S100Z: variants seen among roughly 807,000 people sequenced by gnomAD.
The protein encoded by S100Z is S100 calcium binding protein Z, also known as protein S100-Z.
In S100Z, 11 loss-of-function variants were observed where a neutral mutation model predicts 8.5. The ratio of observed to expected loss-of-function variants is 1.30; its 90% CI spans 0.82 to 2.15. The LOEUF is 2.15. Ranked by LOEUF, S100Z falls within the 30% of genes most tolerant of loss-of-function variation. The pLI is 0.00. For missense variants in S100Z, 126 were observed against 117.9 expected, an observed-to-expected ratio of 1.07 and a Z score of -0.32; for synonymous variants, 34 against 43.8, an observed-to-expected ratio of 0.78 and a Z score of 0.89.
At chr5:76,949,192 T>A in the S100Z span, among the ~76,000 whole-genome samples, 1 of 152,058 alleles carries the variant, frequency 6.6e-6, no homozygotes, top group African/African-American at 2.4e-5. Context: ...ATCAAGACCA[T>A]CCTGGCTAAC....
intron 4 of S100Z, among the ~76,000 whole-genome samples, chr5:76,895,814 G>C (rs1337338257): frequency 8.3e-6 from 1 of 120,108 alleles, no homozygotes; most frequent in Non-Finnish European, 1.6e-5. Flanking sequence ...CTGTTGTCCA[G>C]ACTGGAGTGC....
At position 76,878,116 on chromosome 5, in the gene S100Z, A is replaced by G. The variant is rs879249794; in HGVS notation, c.*2+282A>G. The G allele has an allele frequency of 1.5e-5, 3 of 196,962 alleles. No individual in the cohort carries two copies. In the South Asian group the frequency reaches 5.2e-4, roughly 34 times the overall value. The allele number at this position is 196,962 out of a possible 1,614,324, so 12.2% of individuals were successfully genotyped here. A position where few individuals can be genotyped will look rare whatever the true frequency, so the allele number is the denominator to read the frequency against. ...CAAAACGAGGGCATTACAAAAATTTAGCTACTTTCAAATGAGACTTGAATT... is the reference window on the plus strand; with the variant it reads ...CAAAACGAGGGCATTACAAAAATTTGGCTACTTTCAAATGAGACTTGAATT... On this transcript the variant is annotated intron_variant, in intron 4 of 4. Transcript: ENST00000317593.
chr5:76,912,452 G>A (rs1326286537), intron 4 of S100Z, among the ~76,000 whole-genome samples: 1 of 152,192 alleles, frequency 6.6e-6, no homozygotes, highest in East Asian at 1.9e-4. Flanking sequence ...GGCAGGTTAT[G>A]TCATAGTTAA....
intron 1 of S100Z, among the ~76,000 whole-genome samples, chr5:76,867,555 C>T (rs192074647): frequency 5.9e-5 from 9 of 151,736 alleles, no homozygotes; most frequent in African/African-American, 1.9e-4. Flanking sequence ...TGGATATTTA[C>T]CAGTTTTTTT....
At chr5:76,922,221 A>G (rs1385588067), downstream of S100Z, among the ~76,000 whole-genome samples, 3 of 152,148 alleles carry the variant, frequency 2.0e-5, no homozygotes, top group Admixed American at 6.6e-5. Flanking sequence ...TCTAACCAAG[A>G]AAGCTTTTTT....
the S100Z span, among the ~76,000 whole-genome samples, chr5:76,937,787 C>T: frequency 4.8e-5 from 7 of 147,316 alleles, no homozygotes; most frequent in Non-Finnish European, 7.5e-5. Flanking sequence ...AACCTAAGAC[C>T]TCTTCCTTTC....
chr5:76,876,888 C>G (rs1743210303), intron 3 of S100Z, among the ~76,000 whole-genome samples: 1 of 152,148 alleles, frequency 6.6e-6, no homozygotes, highest in African/African-American at 2.4e-5. Context: ...CTCATCAACA[C>G]CAGTCACAGG....
intron 4 of S100Z, among the ~76,000 whole-genome samples, chr5:76,908,273 C>T (rs574799899): frequency 7.9e-5 from 12 of 152,326 alleles, no homozygotes; most frequent in Non-Finnish European, 7.4e-5. Flanking sequence ...CATTCAGCTT[C>T]GGGGTCCTGA....
At position 76,904,907 on chromosome 5, in the gene S100Z, A is replaced by G. The variant is rs562098481; in HGVS notation, c.*3-15810A>G. Among the ~76,000 whole-genome samples, 11 of 152,272 alleles carry G rather than the reference A, an allele frequency of 7.2e-5. No homozygotes were observed. In the South Asian group the frequency reaches 2.3e-3, roughly 32 times the overall value. ...ATAAATTTTTAATTTTGAAAAAGTCAAATTTATCAAATTTTTCTTTTGTGG... is the reference window on the plus strand; with the variant it reads ...ATAAATTTTTAATTTTGAAAAAGTCGAATTTATCAAATTTTTCTTTTGTGG... On this transcript the variant is annotated intron_variant, in intron 4 of 4. Coordinates refer to ENST00000317593, the MANE Select transcript of S100Z (RefSeq NM_130772.4).
chr5:76,928,053 G>A, the S100Z span, among the ~76,000 whole-genome samples: 1 of 152,126 alleles, frequency 6.6e-6, no homozygotes, highest in Admixed American at 6.5e-5. Context: ...AAGACACATG[G>A]GCAAGAATAC....
the S100Z span, among the ~76,000 whole-genome samples, chr5:76,930,003 T>C: frequency 1.3e-5 from 2 of 152,274 alleles, no homozygotes; most frequent in Non-Finnish European, 2.9e-5. Flanking sequence ...TAAAAACTTC[T>C]TGTGCATCAG....
At chr5:76,853,794 CT>C (rs1187652626) in intron 1 of S100Z, among the ~76,000 whole-genome samples, 1 of 141,914 alleles carries the variant, frequency 7.0e-6, no homozygotes, top group African/African-American at 2.8e-5. Flanking sequence ...AAGACTCCAT[CT>C]TAAAAAAAAA....
intron 4 of S100Z, among the ~76,000 whole-genome samples, chr5:76,899,820 A>G (rs1744171695): frequency 2.0e-5 from 3 of 152,048 alleles, no homozygotes; most frequent in Admixed American, 2.0e-4. Flanking sequence ...TTTTCTCTAT[A>G]CTTACTATTA....
the S100Z span, among the ~76,000 whole-genome samples, chr5:76,934,860 A>T: frequency 9.7e-4 from 1 of 1,034 alleles, no homozygotes; most frequent in Non-Finnish European, 0.016. Flanking sequence ...ACAGACTAAG[A>T]CAATAAGCTC....
At chr5:76,884,328 G>T (rs1743522551) in intron 4 of S100Z, among the ~76,000 whole-genome samples, 1 of 152,136 alleles carries the variant, frequency 6.6e-6, no homozygotes, top group African/African-American at 2.4e-5. Flanking sequence ...AGCTATACCT[G>T]GGGAATCTGC....
At chr5:76,886,676 G>A (rs1455359352) in intron 4 of S100Z, among the ~76,000 whole-genome samples, 2 of 152,176 alleles carry the variant, frequency 1.3e-5, no homozygotes, top group South Asian at 2.1e-4. Context: ...GGTGGGCTGA[G>A]TCCAAAAAGA....
chr5:76,917,368 A>G (rs2150686588), intron 4 of S100Z, among the ~76,000 whole-genome samples: 1 of 152,314 alleles, frequency 6.6e-6, no homozygotes, highest in South Asian at 2.1e-4. Flanking sequence ...TAGTCACAAT[A>G]ATTCTGAATG....
At chr5:76,923,616 C>A (rs952354965), downstream of S100Z, among the ~76,000 whole-genome samples, 1 of 152,164 alleles carries the variant, frequency 6.6e-6, no homozygotes, top group African/African-American at 2.4e-5. Flanking sequence ...TCCAACTACA[C>A]CCTCATGGGT....
At chr5:76,878,867 C>T (rs906193914) in intron 4 of S100Z, among the ~76,000 whole-genome samples, 5 of 152,164 alleles carry the variant, frequency 3.3e-5, no homozygotes, top group Non-Finnish European at 1.5e-5. Flanking sequence ...ACTGATAGGA[C>T]TTGCTGATGG....
Sources: allele counts gnomAD v4.1 joint callset (sites outside exome capture counted in the v4.1 genomes callset), GRCh38; gene constraint gnomAD v4.1.1; transcripts MANE v1.5; gene names NCBI Gene and HGNC (gene_info 2026-07-23, HGNC 2026-07-21).